HSF2BP: variants seen among roughly 807,000 people sequenced by gnomAD.
HSF2BP encodes the protein heat shock factor 2-binding protein.
A neutral mutation model predicts 35.0 loss-of-function variants in HSF2BP; 35 were observed. The ratio of observed to expected loss-of-function variants is 1.00; its 90% CI spans 0.76 to 1.32. HSF2BP has a LOEUF of 1.32. Ranked by LOEUF, HSF2BP falls within the 40% of genes most tolerant of loss-of-function variation. The probability of loss-of-function intolerance (pLI) is 0.00; values close to 1 mark genes in which losing one functional copy is unlikely to be tolerated. For missense variants in HSF2BP, 326 were observed against 321.7 expected (o/e 1.01, Z -0.10); for synonymous variants, 114 against 117.4 (o/e 0.97, Z 0.18).
At chr21:43,571,767 G>A (rs2146654989) in intron 8 of HSF2BP, among the ~76,000 whole-genome samples, 1 of 122,562 alleles carries the variant, frequency 8.2e-6, no homozygotes, top group African/African-American at 3.2e-5. Context: ...GGCAATGTGA[G>A]GAGTGTGAAC....
At position 43,595,785 on chromosome 21, in the gene HSF2BP, C is replaced by T. The variant is rs865867894; in HGVS notation, c.693-3457G>A. On this transcript the variant is annotated intron_variant, in intron 7 of 8. Transcript: ENST00000291560. ...GTGAAACAGAGTTAGAGTGCAGTGG[C>T]GCCATCTCGGCTCACTGCAACCTCC... Among the ~76,000 whole-genome samples, 4 of 105,750 alleles carry T rather than the reference C, an allele frequency of 3.8e-5. No individual in the cohort carries two copies. The South Asian group carries it at 1.4e-3, about 37-fold the overall frequency. The allele number at this position is 105,750 out of a possible 152,430, so 69.4% of individuals were successfully genotyped here.
intron 8 of HSF2BP, among the ~76,000 whole-genome samples, chr21:43,587,509 T>C (rs2081867678): frequency 6.6e-6 from 1 of 151,692 alleles, no homozygotes; most frequent in South Asian, 2.1e-4. Flanking sequence ...CTATTAAAAA[T>C]ACAAAATTAG....
chr21:43,627,034 A>T (rs1261308116), intron 6 of HSF2BP, among the ~76,000 whole-genome samples: 1 of 151,874 alleles, frequency 6.6e-6, no homozygotes, highest in Admixed American at 6.6e-5. Flanking sequence ...CGCCTGGCTA[A>T]TTTTTTTGTA....
intron 3 of HSF2BP, among the ~76,000 whole-genome samples, chr21:43,651,821 A>C (rs2082790359): frequency 6.6e-6 from 1 of 152,138 alleles, no homozygotes; most frequent in African/African-American, 2.4e-5. Context: ...GCCTCTCCCC[A>C]GTACCCATCA....
chr21:43,650,922 G>C (rs941004310), intron 3 of HSF2BP, among the ~76,000 whole-genome samples: 1 of 152,010 alleles, frequency 6.6e-6, no homozygotes, highest in Admixed American at 6.5e-5. Flanking sequence ...CGGCCAGTCT[G>C]GTCTCGAACT....
chr21:43,650,521 T>C (rs1350669541), intron 3 of HSF2BP, among the ~76,000 whole-genome samples: 3 of 151,876 alleles, frequency 2.0e-5, no homozygotes, highest in Non-Finnish European at 2.9e-5. Context: ...ATTTTATTTA[T>C]AAAAAATAGG....
chr21:43,655,259 A>C (rs997712512), intron 3 of HSF2BP, among the ~76,000 whole-genome samples: 1 of 152,258 alleles, frequency 6.6e-6, no homozygotes, highest in Non-Finnish European at 1.5e-5. Flanking sequence ...TAATCTCAGA[A>C]AGTTGCTGGA....
At chr21:43,602,406 T>TA (rs2082062669) in intron 7 of HSF2BP, among the ~76,000 whole-genome samples, 2 of 152,218 alleles carry the variant, frequency 1.3e-5, no homozygotes, top group Admixed American at 6.5e-5. Flanking sequence ...AATGGGACGA[T>TA]ACCATCACCC....
intron 5 of HSF2BP, among the ~76,000 whole-genome samples, chr21:43,632,085 C>A (rs57065730): frequency 3.8e-5 from 1 of 26,540 alleles, no homozygotes; most frequent in African/African-American, 1.1e-4. Flanking sequence ...CACACGCTCC[C>A]ACACACACAC....
At chr21:43,632,156 C>T (rs2082477640) in intron 5 of HSF2BP, among the ~76,000 whole-genome samples, 1 of 124,410 alleles carries the variant, frequency 8.0e-6, no homozygotes, top group Non-Finnish European at 1.7e-5. Flanking sequence ...CACACTCACA[C>T]AGTCTCACAC....
At chr21:43,648,855 A>C (rs763337393) in intron 3 of HSF2BP, among the ~76,000 whole-genome samples, 1 of 152,260 alleles carries the variant, frequency 6.6e-6, no homozygotes, top group Non-Finnish European at 1.5e-5. Flanking sequence ...TAAGAATCTA[A>C]GAGTACCTGG....
chr21:43,607,365 C>A (rs1464555690), intron 7 of HSF2BP, among the ~76,000 whole-genome samples: 2 of 150,758 alleles, frequency 1.3e-5, no homozygotes, highest in Non-Finnish European at 2.9e-5. Context: ...CACACACACA[C>A]AAAAACCTAG....
intron 8 of HSF2BP, among the ~76,000 whole-genome samples, chr21:43,577,975 A>G (rs2081665561): frequency 6.6e-6 from 1 of 152,000 alleles, no homozygotes; most frequent in East Asian, 1.9e-4. Context: ...ATTGCTTCTA[A>G]CTCCACCGCC....
rs1268566149 is a variant in HSF2BP, at chr21:43,597,676, A to T, written c.693-5348T>A. 6.6e-6 allele frequency among the ~76,000 whole-genome samples: 1 copy of T among 152,038 alleles called. No homozygotes were observed. Among genetic ancestry groups the T allele is most frequent in the East Asian group, 1.9e-4 (1 of 5,188 alleles). ...GCTGAGACTACAGGCATGTGCCACC[A>T]CACCCAGCTTATTTTTTAATTTTTT... On this transcript the variant is annotated intron_variant, in intron 7 of 8. Coordinates refer to ENST00000291560, the MANE Select transcript of HSF2BP (RefSeq NM_007031.2). This position sits in a 1 kb window ranked among gnomAD's most constrained non-coding sequence, Gnocchi z 4.3.
chr21:43,639,749 C>T lies in HSF2BP; in HGVS notation c.291+4540G>A, dbSNP rs189815499. ...GCAATTTCTTCCAAAACTAAATGTGCACTTACCATACAACCCAGTAATTGT... is the reference window on the plus strand; with the variant it reads ...GCAATTTCTTCCAAAACTAAATGTGTACTTACCATACAACCCAGTAATTGT... On this transcript the variant is annotated intron_variant, in intron 4 of 8. Coordinates refer to ENST00000291560, the MANE Select transcript of HSF2BP (RefSeq NM_007031.2). Among the ~76,000 whole-genome samples, 489 of 152,206 alleles carry T rather than the reference C, an allele frequency of 3.2e-3. 1 individual carries two copies. Among genetic ancestry groups the T allele is most frequent in the African/African-American group, 0.011 (459 of 41,552 alleles).
rs1179756986 is a variant in HSF2BP at position 43,658,138 on chromosome 21, G to A, written c.-42C>T. Reference sequence around the variant, plus strand: ...GCTCCGTTCGCCTGAGCGTCGGCGCGCCCTCTGACCCCTCACGCCAGAAAG... The same window carrying A: ...GCTCCGTTCGCCTGAGCGTCGGCGCACCCTCTGACCCCTCACGCCAGAAAG... On this transcript the variant is annotated 5_prime_UTR_variant, in exon 2 of 9. Transcript: ENST00000291560. The A allele has an allele frequency of 3.3e-6, 5 of 1,501,894 alleles. No individual in the cohort carries two copies. The highest frequency in any genetic ancestry group is 2.8e-5 in the African/African-American group (2 of 71,302). 93.0% of individuals were successfully genotyped at this position (1,501,894 alleles called of 1,614,324 possible). A position where few individuals can be genotyped will look rare whatever the true frequency, so the allele number is the denominator to read the frequency against.
intron 4 of HSF2BP, among the ~76,000 whole-genome samples, chr21:43,644,053 G>A (rs566732052): frequency 5.3e-5 from 8 of 152,112 alleles, no homozygotes; most frequent in African/African-American, 1.9e-4. Context: ...TTATGTTGTA[G>A]GGCAGATTTT....
chr21:43,631,332 T>A (rs558228833), intron 5 of HSF2BP, among the ~76,000 whole-genome samples: 1 of 152,252 alleles, frequency 6.6e-6, no homozygotes, highest in South Asian at 2.1e-4. Flanking sequence ...AACACCGATC[T>A]TTTTTGGCTC....
intron 8 of HSF2BP, 47 bp downstream of exon 8, chr21:43,592,178 A>T: frequency 8.0e-7 from 1 of 1,257,838 alleles, no homozygotes; most frequent in Non-Finnish European, 1.2e-6. Context: ...AGGGAGGACT[A>T]CTGCATAACC....
Sources: allele counts gnomAD v4.1 joint callset (sites outside exome capture counted in the v4.1 genomes callset), GRCh38; gene constraint gnomAD v4.1.1; non-coding constraint Gnocchi (gnomAD v3.1); transcripts MANE v1.5; gene names NCBI Gene and HGNC (gene_info 2026-07-23, HGNC 2026-07-21).